Variants in ITGA5 observed in about 807,000 individuals in gnomAD.
ITGA5 encodes the protein integrin alpha-5.
A neutral mutation model predicts 146.3 loss-of-function variants in ITGA5; 55 were observed. That is an observed-to-expected ratio of 0.38 (90% CI 0.30 to 0.47). The LOEUF (loss-of-function observed/expected upper bound fraction) is 0.47. ITGA5 is among the 20% of genes least tolerant of loss of function. The pLI is 0.99. For synonymous variants in ITGA5, 500 were observed against 531.8 expected (o/e 0.94, Z 0.82); for missense variants, 1,131 against 1,329.0 (o/e 0.85, Z 2.32).
rs746285714 is a variant in ITGA5, at chr12:54,407,891, G to A, written c.818-15C>T. Reference sequence around the variant, plus strand: ...CACAGAGTATCCTGGGGGACAGGGTGGGTGGATGTTAGGATTCCTGCTTTG... The same window carrying A: ...CACAGAGTATCCTGGGGGACAGGGTAGGTGGATGTTAGGATTCCTGCTTTG... On this transcript the variant is annotated splice_polypyrimidine_tract_variant and intron_variant, in intron 7 of 29. Transcript: ENST00000293379. The A allele has an allele frequency of 3.8e-6, 6 of 1,567,536 alleles. No homozygotes were observed. In the African/African-American group the frequency reaches 4.1e-5, roughly 11 times the overall value.
Position 54,409,814 on chromosome 12 carries a change from A to T in ITGA5, c.350-217T>A. On this transcript the variant is annotated intron_variant, in intron 2 of 29. Coordinates refer to ENST00000293379, the MANE Select transcript of ITGA5 (RefSeq NM_002205.5). The surrounding 1 kb of genome is among the most constrained non-coding windows in gnomAD (Gnocchi z 4.7). ...CTCCACTACACACATACACATACACACACACACATACATACACACGCACGC... is the reference window on the plus strand; with the variant it reads ...CTCCACTACACACATACACATACACTCACACACATACATACACACGCACGC... 1 of 531,962 alleles carries T rather than the reference A, an allele frequency of 1.9e-6. No homozygotes were observed. The highest frequency in any genetic ancestry group is 3.4e-6 in the Non-Finnish European group (1 of 296,260). The allele number at this position is 531,962 out of a possible 1,614,324, so 33.0% of individuals were successfully genotyped here.
In ITGA5 at chr12:54,402,086, G is replaced by A. The variant is rs762798561; in HGVS notation, c.2141C>T (p.Ser714Phe). 1.1e-5 allele frequency: 18 copies of A among 1,614,044 alleles called. No homozygotes were observed. Among genetic ancestry groups the A allele is most frequent in the East Asian group, 2.2e-5 (1 of 44,890 alleles). Residue 714 changes from serine (S) to phenylalanine (F), a missense_variant, in exon 21 of 30, where the codon TCC (serine) becomes TTC (phenylalanine). This residue lies in a region of ITGA5 where 889 missense variants were observed against 1,021.5 expected (regional missense o/e 0.87). Transcript: ENST00000293379. ...SGLVRHPGNF[S>F]SLSCDYFAVN... ...GGCAAAGTAGTCACAGCTCAGGCTG[G>A]AGAAGTTCTGGAGATGGGGTGGGCA...
In ITGA5 at chr12:54,401,581, T is replaced by A; in HGVS notation, c.2387+4A>T. ...AGAAAGACCCCATTTTGCCTGGCACTGACCCGTTCAGGGTGACCTGGGCCT... is the reference window on the plus strand; with the variant it reads ...AGAAAGACCCCATTTTGCCTGGCACAGACCCGTTCAGGGTGACCTGGGCCT... On this transcript the variant is annotated splice_donor_region_variant and intron_variant, in intron 23 of 29. Transcript: ENST00000293379. This position sits in a 1 kb window ranked among gnomAD's most constrained non-coding sequence, Gnocchi z 5.0. 1.2e-6 allele frequency: 2 copies of A among 1,614,014 alleles called. No individual in the cohort carries two copies. Among genetic ancestry groups the A allele is most frequent in the Non-Finnish European group, 1.7e-6 (2 of 1,179,882 alleles).
intron 1 of ITGA5, among the ~76,000 whole-genome samples, chr12:54,414,827 C>T (rs115882280): frequency 0.019 from 2,847 of 148,734 alleles, 195 homozygotes; most frequent in African/African-American, 0.068. Context: ...AGTCCAGAGA[C>T]AGAGCGAGAC....
In ITGA5 at chr12:54,398,699, C is replaced by T; in HGVS notation, c.2842-1G>A. The T allele has an allele frequency of 1.3e-6, 2 of 1,596,910 alleles. No homozygotes were observed. Among genetic ancestry groups the T allele is most frequent in the South Asian group, 1.1e-5 (1 of 88,166 alleles). On this transcript the variant is annotated splice_acceptor_variant, in intron 27 of 29. Transcript: ENST00000293379. LOFTEE classifies it high-confidence loss of function. ...GCAGGCTAAATGGCTGGTGCTCCCGCTGTGGGTAGGGGAAAGTTGGTTAGC... is the reference window on the plus strand; with the variant it reads ...GCAGGCTAAATGGCTGGTGCTCCCGTTGTGGGTAGGGGAAAGTTGGTTAGC...
chr12:54,408,683 C>G, intron 6 of ITGA5, 73 bp downstream of exon 6: 2 of 1,403,168 alleles, frequency 1.4e-6, no homozygotes, highest in Non-Finnish European at 1.9e-6. Context: ...GCACTCCAGC[C>G]TGGGTGACAG....
chr12:54,408,221 C>T lies in ITGA5; in HGVS notation c.706G>A (p.Ala236Thr). The T allele has an allele frequency of 6.2e-7, 1 of 1,614,022 alleles. No individual in the cohort carries two copies. The highest frequency in any genetic ancestry group is 8.5e-7 in the Non-Finnish European group (1 of 1,180,008). ...GATTCTGCAATCTGCTCCTGAGTGG[C>T]AGACAGGATCTGGCCTGGAGAGAGT... is the stretch of plus-strand genomic sequence containing the variant. ...SYFWQGQILS[A>T]TQEQIAESYY... The change falls in exon 7 of 30, where the codon GCC (alanine) becomes ACC (threonine). Residue 236 changes from alanine to threonine, a missense_variant. Physicochemically the swap from Ala to Thr is moderately conservative, Grantham distance 58 (BLOSUM62 0). This residue lies in a region of ITGA5 where 67 missense variants were observed against 128.2 expected (regional missense o/e 0.52). Transcript: ENST00000293379.
At position 54,411,879 on chromosome 12, in the gene ITGA5, C is replaced by T; in HGVS notation, c.304G>A (p.Gly102Ser). The change falls in exon 2 of 30, where the codon GGT (glycine) becomes AGT (serine). Residue 102 changes from glycine to serine, a missense_variant. Transcript: ENST00000293379. Reference protein sequence around the residue: ...QGGAVYLCPWGASPTQCTPIE... With the variant: ...QGGAVYLCPWSASPTQCTPIE... ...GGGGTGCACTGTGTGGGGCTGGCAC[C>T]CCAAGGACAGAGGTAGACAGCACCA... 2 of 1,597,228 alleles carry T rather than the reference C, an allele frequency of 1.3e-6. No homozygotes were observed. Among genetic ancestry groups the T allele is most frequent in the Non-Finnish European group, 1.7e-6 (2 of 1,171,780 alleles).
chr12:54,408,058 A>C, intron 7 of ITGA5, 52 bp downstream of exon 7: 1 of 1,609,524 alleles, frequency 6.2e-7, no homozygotes, highest in East Asian at 2.2e-5. Context: ...GAGTGGGGAC[A>C]GGAGCACTTG....
chr12:54,402,578 G>A, intron 19 of ITGA5, among the ~76,000 whole-genome samples: 1 of 151,960 alleles, frequency 6.6e-6, no homozygotes, highest in East Asian at 1.9e-4. Context: ...GCAGGCACCT[G>A]TAATCCCAGC....
At chr12:54,414,867 G>A (rs574106469) in intron 1 of ITGA5, among the ~76,000 whole-genome samples, 2 of 139,170 alleles carry the variant, frequency 1.4e-5, no homozygotes, top group African/African-American at 2.8e-5. Flanking sequence ...CAACAACAAC[G>A]GCCAGGCGTG....
intron 1 of ITGA5, among the ~76,000 whole-genome samples, chr12:54,415,080 G>C (rs987205036): frequency 2.0e-5 from 3 of 152,294 alleles, no homozygotes; most frequent in Middle Eastern, 3.4e-3. Context: ...CCAGGGAGGT[G>C]GGGGTTGCGG....
Position 54,400,933 on chromosome 12 carries a change from A to G in ITGA5, c.2556T>C (p.Ala852=). The part of the protein sequence containing the change: ...QGVLELSCPQ[A]LEGQQLLYVT... ...CATATAGGAGCTGCTGACCTTCCAGAGCCTGGGGACAGCTGAGTTCCAGCA... is the reference window on the plus strand; with the variant it reads ...CATATAGGAGCTGCTGACCTTCCAGGGCCTGGGGACAGCTGAGTTCCAGCA... Residue 852 remains alanine (A), a synonymous_variant, in exon 25 of 30, where the codon GCT becomes GCC. Coordinates refer to ENST00000293379, the MANE Select transcript of ITGA5 (RefSeq NM_002205.5). The G allele has an allele frequency of 6.2e-7, 1 of 1,613,940 alleles. No homozygotes were observed. Among genetic ancestry groups the G allele is most frequent in the Middle Eastern group, 1.6e-4 (1 of 6,062 alleles).
chr12:54,416,003 C>T lies in ITGA5; in HGVS notation c.218+2978G>A, dbSNP rs918077416. Among the ~76,000 whole-genome samples, 1 of 152,348 alleles carries T rather than the reference C, an allele frequency of 6.6e-6. No homozygotes were observed. The highest frequency in any genetic ancestry group is 2.4e-5 in the African/African-American group (1 of 41,576). On this transcript the variant is annotated intron_variant, in intron 1 of 29. Transcript: ENST00000293379. This position sits in a 1 kb window ranked among gnomAD's most constrained non-coding sequence, Gnocchi z 4.1. ...GGATTTCCCTTGAATGTTTCCTAAA[C>T]TAACTTCTGGTTCAAAATTTCTATG...
In ITGA5 at chr12:54,404,717, C is replaced by A. The variant is rs1180795787; in HGVS notation, c.1403G>T (p.Gly468Val). ...GCACAACTCACCAGGATATCCATTGCCATCCAGGTCTCGGCCTCCTCGAAG... is the reference window on the plus strand; with the variant it reads ...GCACAACTCACCAGGATATCCATTGACATCCAGGTCTCGGCCTCCTCGAAG... Reference protein sequence around the residue: ...SALRGGRDLDGNGYPDLIVGS... With the variant: ...SALRGGRDLDVNGYPDLIVGS... The change falls in exon 13 of 30, where the codon GGC (glycine) becomes GTC (valine). Residue 468 changes from glycine to valine, a missense_variant. By Grantham distance (109) the Gly-to-Val change is moderately radical. This residue lies in a region of ITGA5 where 889 missense variants were observed against 1,021.5 expected (regional missense o/e 0.87). Transcript: ENST00000293379. The A allele has an allele frequency of 1.9e-6, 3 of 1,613,490 alleles. No homozygotes were observed. The highest frequency in any genetic ancestry group is 1.7e-5 in the Admixed American group (1 of 60,022).
chr12:54,395,574 G>C lies in ITGA5; in HGVS notation c.*719C>G, dbSNP rs1157167576. ...AGGGTGAACTGGGCCTCCAGGATCA[G>C]GTCTGGAGCAGGCCCAAATATAGTC... On this transcript the variant is annotated 3_prime_UTR_variant, in exon 30 of 30. Transcript: ENST00000293379. 2 of 152,494 alleles carry C rather than the reference G, an allele frequency of 1.3e-5. No individual in the cohort carries two copies. The highest frequency in any genetic ancestry group is 2.9e-5 in the Non-Finnish European group (2 of 68,052). 9.4% of individuals were successfully genotyped at this position (152,494 alleles called of 1,614,324 possible). A position where few individuals can be genotyped will look rare whatever the true frequency, so the allele number is the denominator to read the frequency against.
At position 54,399,738 on chromosome 12, in the gene ITGA5, ACACT is replaced by A; in HGVS notation, c.2744_2747del (p.Glu915ValfsTer49). 6.2e-7 allele frequency: 1 copy of A among 1,614,176 alleles called. No individual in the cohort carries two copies. The highest frequency in any genetic ancestry group is 8.5e-7 in the Non-Finnish European group (1 of 1,180,004). On this transcript the variant is annotated frameshift_variant, in exon 27 of 30. Coordinates refer to ENST00000293379, the MANE Select transcript of ITGA5 (RefSeq NM_002205.5). LOFTEE classifies it high-confidence loss of function. ...GCCCGAGCTCACAGCGCAGCCTGAA[ACACT>A]CAGCCTCCGGGCATTTCTAGGAAGA...
At chr12:54,404,110 C>A in intron 15 of ITGA5, 35 bp downstream of exon 15, 1 of 1,571,094 alleles carries the variant, frequency 6.4e-7, no homozygotes, top group South Asian at 1.2e-5. Context: ...CACTCCCAGG[C>A]TCAGGTCTCT....
At chr12:54,407,472 A>G (rs1335074201) in intron 9 of ITGA5, 177 bp downstream of exon 9, 1 of 648,990 alleles carries the variant, frequency 1.5e-6, no homozygotes, top group African/African-American at 1.8e-5. Context: ...AGCAGGAAGC[A>G]GAGTATGAAT....
Sources: allele counts gnomAD v4.1 joint callset (sites outside exome capture counted in the v4.1 genomes callset), GRCh38; gene constraint gnomAD v4.1.1; regional missense constraint gnomAD v4.1.1; non-coding constraint Gnocchi (gnomAD v3.1); transcripts MANE v1.5; gene names NCBI Gene and HGNC (gene_info 2026-07-23, HGNC 2026-07-21).